The following DGKB variants were observed in gnomAD, a reference collection of about 807,000 sequenced individuals.
DGKB encodes 90 kDa diacylglycerol kinase.
Under a neutral mutation model 114.3 loss-of-function variants are expected in DGKB, and 67 were observed. The observed-to-expected ratio is 0.59, with a 90% CI of 0.48 to 0.72. The LOEUF (loss-of-function observed/expected upper bound fraction) is 0.72. Among genes scored for constraint, DGKB ranks in the 30% least tolerant of loss-of-function variants. The pLI is 0.00. For synonymous variants in DGKB, 398 were observed against 323.1 expected (o/e 1.23, Z -2.49); for missense variants, 907 against 975.2 (o/e 0.93, Z 0.93).
chr7:14,272,010 T>C (rs914148033), intron 23 of DGKB, among the ~76,000 whole-genome samples: 6 of 152,206 alleles, frequency 3.9e-5, no homozygotes, highest in African/African-American at 1.4e-4. Context: ...TATTTGCATA[T>C]CTTCTATTGT....
rs185101317 is a variant in DGKB, at chr7:14,839,062, C to A, written c.70+2132G>T. Among the ~76,000 whole-genome samples the A allele has an allele frequency of 4.6e-5, 7 of 152,228 alleles. No homozygotes were observed. In the East Asian group the frequency reaches 1.4e-3, roughly 29 times the overall value. On this transcript the variant is annotated intron_variant, in intron 2 of 25. Transcript: ENST00000402815. ...AATGGAATTGTAAAACCCCATATAA[C>A]CTTAAAGTCTGCTTGTATCACATAC...
At chr7:14,876,851 A>G (rs1853367584) in intron 1 of DGKB, among the ~76,000 whole-genome samples, 1 of 152,224 alleles carries the variant, frequency 6.6e-6, no homozygotes, top group Admixed American at 6.5e-5. Context: ...ATTTGTATTC[A>G]GTTGAATCAA....
intron 19 of DGKB, among the ~76,000 whole-genome samples, chr7:14,574,615 C>T (rs987827195): frequency 5.3e-5 from 8 of 152,132 alleles, no homozygotes; most frequent in Admixed American, 2.6e-4. Context: ...TCAGCATATA[C>T]AACTGCCAAG....
At chr7:14,306,283 T>C (rs944819113) in intron 23 of DGKB, among the ~76,000 whole-genome samples, 4 of 151,992 alleles carry the variant, frequency 2.6e-5, no homozygotes, top group Admixed American at 6.6e-5. Context: ...AGCTTAATAA[T>C]GCATAACACC....
At chr7:14,649,934 T>A (rs62445653) in intron 13 of DGKB, among the ~76,000 whole-genome samples, 4,478 of 139,822 alleles carry the variant, frequency 0.032, 80 homozygotes, top group African/African-American at 0.074. Context: ...TCAATTCAAC[T>A]AGAAGAGCTA....
intron 8 of DGKB, among the ~76,000 whole-genome samples, chr7:14,695,344 C>T (rs1823628952): frequency 6.6e-6 from 1 of 151,956 alleles, no homozygotes; most frequent in Non-Finnish European, 1.5e-5. Flanking sequence ...CATCCTCTGA[C>T]CGTGTCTCAA....
upstream of DGKB, among the ~76,000 whole-genome samples, chr7:14,903,775 G>C (rs1453631373): frequency 6.6e-6 from 1 of 152,136 alleles, no homozygotes; most frequent in African/African-American, 2.4e-5. Context: ...TAGTGTATTA[G>C]GGTAAGAAAA....
chr7:14,758,813 C>A (rs1309968459), intron 2 of DGKB, among the ~76,000 whole-genome samples: 1 of 151,882 alleles, frequency 6.6e-6, no homozygotes, highest in East Asian at 1.9e-4. Context: ...GTGAATTGTA[C>A]TTTTACTTGG....
At chr7:14,715,034 G>T (rs1827968403) in intron 6 of DGKB, among the ~76,000 whole-genome samples, 1 of 152,120 alleles carries the variant, frequency 6.6e-6, no homozygotes, top group African/African-American at 2.4e-5. Flanking sequence ...ATGGGACAGA[G>T]ACTATTTAAT....
At chr7:14,950,020 G>A (rs1786098230) in intron 1 of DGKB, among the ~76,000 whole-genome samples, 1 of 151,822 alleles carries the variant, frequency 6.6e-6, no homozygotes, top group African/African-American at 2.4e-5. Context: ...GTTAATGCGT[G>A]CAGCACACCA....
chr7:14,708,764 G>T (rs1056393114), intron 6 of DGKB, among the ~76,000 whole-genome samples: 29 of 150,038 alleles, frequency 1.9e-4, no homozygotes, highest in Middle Eastern at 6.9e-3. Flanking sequence ...CTAGCCATAC[G>T]TAGAAAGCTG....
chr7:14,358,715 G>C (rs1190412313), intron 21 of DGKB, among the ~76,000 whole-genome samples: 3 of 152,022 alleles, frequency 2.0e-5, no homozygotes, highest in African/African-American at 7.2e-5. Context: ...GCTACAAAGA[G>C]AATAAAATGC....
chr7:14,874,620 G>A (rs182399968), intron 1 of DGKB, among the ~76,000 whole-genome samples: 2 of 151,690 alleles, frequency 1.3e-5, no homozygotes, highest in African/African-American at 4.8e-5. Flanking sequence ...TATATAAATG[G>A]GGTAGTTAAT....
In DGKB at chr7:14,948,842, G is replaced by A. The variant is rs142607093; in HGVS notation, c.-188+25854C>T. 4.2e-3 allele frequency among the ~76,000 whole-genome samples: 640 copies of A among 151,682 alleles called. 7 individuals carry two copies. Among genetic ancestry groups the A allele is most frequent in the African/African-American group, 0.014 (591 of 41,408 alleles). On this transcript the variant is annotated intron_variant, in intron 1 of 4. Transcript: ENST00000437998. ...AAAAGGGAATCTAGAAGATATGGGA[G>A]TAATATCTTCAATAAAGAGAGAACA...
intron 17 of DGKB, among the ~76,000 whole-genome samples, chr7:14,603,651 A>G (rs1399292935): frequency 6.6e-6 from 1 of 152,138 alleles, no homozygotes; most frequent in Non-Finnish European, 1.5e-5. Flanking sequence ...CTGTTGCATT[A>G]TATTTTTAAA....
At chr7:14,802,803 T>C (rs1056312688) in intron 2 of DGKB, among the ~76,000 whole-genome samples, 3 of 152,128 alleles carry the variant, frequency 2.0e-5, no homozygotes, top group African/African-American at 4.8e-5. Context: ...ATAGCTACAT[T>C]CCTGAAAGTA....
chr7:14,694,052 C>A (rs1823387154), intron 9 of DGKB, 23 bp downstream of exon 9: 2 of 1,563,160 alleles, frequency 1.3e-6, no homozygotes, highest in Non-Finnish European at 1.7e-6. Flanking sequence ...CACCAGGCCA[C>A]CCTCCTCTGT....
intron 13 of DGKB, among the ~76,000 whole-genome samples, chr7:14,666,249 A>G (rs2128934534): frequency 6.6e-6 from 1 of 152,058 alleles, no homozygotes; most frequent in African/African-American, 2.4e-5. Flanking sequence ...TAAAATAGGG[A>G]GTTTTATATG....
chr7:14,609,683 C>T (rs1280541734), intron 16 of DGKB, among the ~76,000 whole-genome samples: 1 of 151,712 alleles, frequency 6.6e-6, no homozygotes, highest in Non-Finnish European at 1.5e-5. Flanking sequence ...AAAAAAACAA[C>T]AACAAATAAC....
Sources: gnomAD v4.1 joint callset for allele counts (sites outside exome capture counted in the v4.1 genomes callset) on GRCh38, gnomAD v4.1.1 for gene constraint, MANE v1.5 for transcripts, NCBI Gene and HGNC (gene_info 2026-07-23, HGNC 2026-07-21) for gene names.